MGAT4C: variants seen among roughly 807,000 people sequenced by gnomAD.
MGAT4C encodes the protein alpha-1,3-mannosyl-glycoprotein 4-beta-N-acetylglucosaminyltransferase C.
MGAT4C carries 19 observed loss-of-function variants against 40.1 expected under a neutral mutation model. The observed-to-expected ratio is 0.47, with a 90% confidence interval of 0.33 to 0.70. The LOEUF is 0.70. Among genes scored for constraint, MGAT4C ranks in the 30% least tolerant of loss-of-function variants. The probability of loss-of-function intolerance (pLI) is 0.02; values close to 1 mark genes in which losing one functional copy is unlikely to be tolerated. For synonymous variants in MGAT4C, 181 were observed against 187.1 expected (o/e 0.97, Z 0.27); for missense variants, 491 against 563.2 (o/e 0.87, Z 1.30).
intron 2 of MGAT4C, among the ~76,000 whole-genome samples, chr12:86,034,098 G>A (rs953622617): frequency 6.7e-6 from 1 of 149,588 alleles, no homozygotes. Context: ...TCCCAGGGAC[G>A]AATCCTGATT....
chr12:86,272,417 T>G (rs919604544), intron 4 of MGAT4C, among the ~76,000 whole-genome samples: 2 of 152,168 alleles, frequency 1.3e-5, no homozygotes, highest in African/African-American at 4.8e-5. Context: ...GAAGTAGAAT[T>G]GTTATTTTTT....
intron 3 of MGAT4C, among the ~76,000 whole-genome samples, chr12:86,415,445 A>T (rs952618945): frequency 1.3e-5 from 2 of 152,072 alleles, no homozygotes; most frequent in Non-Finnish European, 2.9e-5. Context: ...CAGTGGGCAT[A>T]TGAATACACA....
At chr12:85,987,949 G>T (rs908930022) in intron 3 of MGAT4C, among the ~76,000 whole-genome samples, 3 of 152,200 alleles carry the variant, frequency 2.0e-5, no homozygotes, top group Admixed American at 2.0e-4. Context: ...TTAATCAAGA[G>T]AATCTCTAGT....
chr12:86,346,213 T>C (rs79030375), intron 3 of MGAT4C, among the ~76,000 whole-genome samples: 5,788 of 152,058 alleles, frequency 0.038, 313 homozygotes, highest in African/African-American at 0.12. Flanking sequence ...TACTAGGTAG[T>C]TTTTTTGTTT....
intron 1 of MGAT4C, among the ~76,000 whole-genome samples, chr12:86,801,723 T>C (rs1232096146): frequency 1.3e-5 from 2 of 151,868 alleles, no homozygotes; most frequent in Non-Finnish European, 2.9e-5. Flanking sequence ...CTGACATGTA[T>C]TACCTTTCGA....
At chr12:86,262,616 T>C (rs978300956) in intron 4 of MGAT4C, among the ~76,000 whole-genome samples, 2 of 152,138 alleles carry the variant, frequency 1.3e-5, no homozygotes, top group African/African-American at 4.8e-5. Context: ...TGTCTGCTTT[T>C]GCTTACTCTC....
At chr12:86,136,539 C>CA (rs1881977738) in intron 1 of MGAT4C, among the ~76,000 whole-genome samples, 1 of 152,064 alleles carries the variant, frequency 6.6e-6, no homozygotes, top group South Asian at 2.1e-4. Flanking sequence ...AGACGTTATG[C>CA]AATGTGAAAG....
chr12:85,969,077 A>C lies in MGAT4C; in HGVS notation c.*10212T>G, dbSNP rs1056018978. The C allele has an allele frequency of 6.6e-6, 1 of 151,794 alleles. No individual in the cohort carries two copies. Among genetic ancestry groups the C allele is most frequent in the African/African-American group, 2.4e-5 (1 of 41,410 alleles). 9.4% of individuals were successfully genotyped at this position (151,794 alleles called of 1,614,324 possible). On this transcript the variant is annotated 3_prime_UTR_variant, in exon 5 of 5. Coordinates refer to ENST00000611864, the MANE Select transcript of MGAT4C (RefSeq NM_001351288.2). The stretch of plus-strand genomic sequence containing the variant: ...TCAGTGTTAACTAAAATACATTGAA[A>C]GTGCCAATTCCTAGATCTATCCTAG...
intron 2 of MGAT4C, among the ~76,000 whole-genome samples, chr12:86,631,118 A>G (rs1372658028): frequency 6.6e-6 from 1 of 152,140 alleles, no homozygotes; most frequent in African/African-American, 2.4e-5. Flanking sequence ...CAACAGACAA[A>G]CAGAGAGCCA....
chr12:86,684,758 T>C (rs1481886601), intron 2 of MGAT4C, among the ~76,000 whole-genome samples: 2 of 152,188 alleles, frequency 1.3e-5, no homozygotes, highest in East Asian at 3.8e-4. Context: ...ATTGTGGTTC[T>C]GATTTTCATT....
chr12:86,024,210 G>T (rs1592714363), intron 2 of MGAT4C, among the ~76,000 whole-genome samples: 1 of 151,734 alleles, frequency 6.6e-6, no homozygotes, highest in African/African-American at 2.4e-5. Flanking sequence ...CTCTGTATAT[G>T]CGTAAATAAC....
At chr12:86,284,398 G>A (rs987575264) in intron 4 of MGAT4C, among the ~76,000 whole-genome samples, 1 of 151,800 alleles carries the variant, frequency 6.6e-6, no homozygotes, top group Non-Finnish European at 1.5e-5. Flanking sequence ...TCTAGAAGTA[G>A]TGATTTCACC....
chr12:86,651,326 G>A (rs1039080426), intron 2 of MGAT4C, among the ~76,000 whole-genome samples: 2 of 151,690 alleles, frequency 1.3e-5, no homozygotes, highest in African/African-American at 4.8e-5. Flanking sequence ...TGATATGCCT[G>A]GCATGAACAA....
At chr12:86,383,163 A>G (rs189510676) in intron 3 of MGAT4C, among the ~76,000 whole-genome samples, 1 of 152,328 alleles carries the variant, frequency 6.6e-6, no homozygotes, top group East Asian at 1.9e-4. Context: ...CCATAGAGGT[A>G]GAGCTGCCCA....
intron 1 of MGAT4C, among the ~76,000 whole-genome samples, chr12:86,831,235 G>T (rs1015477617): frequency 2.6e-5 from 4 of 151,414 alleles, no homozygotes; most frequent in African/African-American, 7.3e-5. Context: ...AATGATAATC[G>T]AAAAGAAGAA....
chr12:86,133,473 CTAATTTAAAATGTACAA>C (rs1469899005), intron 1 of MGAT4C, among the ~76,000 whole-genome samples: 1 of 152,080 alleles, frequency 6.6e-6, no homozygotes, highest in Non-Finnish European at 1.5e-5. Flanking sequence ...ATAATTTTCT[CTAATTTAAAATGTACAA>C]TAAAAGATGG....
At chr12:86,637,143 A>G (rs537515910) in intron 2 of MGAT4C, among the ~76,000 whole-genome samples, 8 of 152,056 alleles carry the variant, frequency 5.3e-5, no homozygotes, top group South Asian at 4.1e-4. Flanking sequence ...CCAAAGTAGC[A>G]TTCATTGATT....
At chr12:86,417,160 T>G (rs771560174) in intron 3 of MGAT4C, among the ~76,000 whole-genome samples, 1 of 152,098 alleles carries the variant, frequency 6.6e-6, no homozygotes, top group Admixed American at 6.6e-5. Flanking sequence ...AATAGTTGAA[T>G]ATTTTTTTTT....
At chr12:86,356,570 G>A (rs1955316432) in intron 3 of MGAT4C, among the ~76,000 whole-genome samples, 1 of 152,130 alleles carries the variant, frequency 6.6e-6, no homozygotes, top group Non-Finnish European at 1.5e-5. Context: ...CCCTTTCCTA[G>A]CCAAGGGTAG....
Sources: allele counts gnomAD v4.1 joint callset (sites outside exome capture counted in the v4.1 genomes callset), GRCh38; gene constraint gnomAD v4.1.1; transcripts MANE v1.5; gene names NCBI Gene and HGNC (gene_info 2026-07-23, HGNC 2026-07-21).